ABCC6: variants seen among roughly 807,000 people sequenced by gnomAD.
ABCC6 encodes the protein ATP binding cassette subfamily C member 6, also known as ATP-binding cassette sub-family C member 6.
ABCC6 carries 126 observed loss-of-function variants against 169.5 expected under a neutral mutation model. That is an observed-to-expected ratio of 0.74 (90% CI 0.64 to 0.86). ABCC6 has a LOEUF of 0.86. Ranked by LOEUF, ABCC6 falls within the 40% of genes least tolerant of loss-of-function variation. The pLI is 0.00. For synonymous variants in ABCC6, 752 were observed against 814.7 expected, an observed-to-expected ratio of 0.92 and a Z score of 1.31; for missense variants, 1,733 against 1,927.2, an observed-to-expected ratio of 0.90 and a Z score of 1.89.
chr16:16,182,967 G>T, intron 15 of ABCC6, 37 bp from the exon 16 acceptor site: 2 of 1,614,078 alleles, frequency 1.2e-6, no homozygotes, highest in Non-Finnish European at 1.7e-6. Flanking sequence ...CCTTGGTTAG[G>T]GTTCAGCCCG....
At position 16,203,419 on chromosome 16, in the gene ABCC6, T is replaced by C. The variant is rs1444311439; in HGVS notation, c.989A>G (p.Lys330Arg). Residue 330 changes from lysine (K) to arginine (R), a missense_variant, in exon 8 of 31, where the codon AAG becomes AGG. Lys to Arg is a conservative substitution (Grantham distance 26). This residue lies in a region of ABCC6 where 1,601 missense variants were observed against 1,635.5 expected (regional missense o/e 0.98). Coordinates refer to ENST00000205557, the MANE Select transcript of ABCC6 (RefSeq NM_001171.6). ...ISDVFRFTVP[K>R]LLSLFLEFIG... ...GAGGTCTGGGACTCACCTGAGCAGCTTGGGGACAGTGAACCTGAAGACATC... is the reference window on the plus strand; with the variant it reads ...GAGGTCTGGGACTCACCTGAGCAGCCTGGGGACAGTGAACCTGAAGACATC... The C allele has an allele frequency of 1.5e-5, 24 of 1,613,772 alleles. No individual in the cohort carries two copies. Among genetic ancestry groups the C allele is most frequent in the Non-Finnish European group, 1.9e-5 (22 of 1,179,854 alleles).
intron 10 of ABCC6, among the ~76,000 whole-genome samples, chr16:16,196,861 C>A (rs531449125): frequency 6.6e-6 from 1 of 152,022 alleles, no homozygotes; most frequent in East Asian, 1.9e-4. Flanking sequence ...ACCACTATGC[C>A]CGGCTAATTT....
At chr16:16,193,844 G>A (rs1168228405) in intron 10 of ABCC6, among the ~76,000 whole-genome samples, 1 of 152,210 alleles carries the variant, frequency 6.6e-6, no homozygotes, top group African/African-American at 2.4e-5. Context: ...TGCAGACCCC[G>A]AAGGTGGTCA....
In ABCC6 at chr16:16,185,658, G is replaced by A. The variant is rs746621300; in HGVS notation, c.1868-624C>T. 2.2e-4 allele frequency among the ~76,000 whole-genome samples: 33 copies of A among 152,228 alleles called. 1 individual carries two copies. The highest frequency in any genetic ancestry group is 3.9e-4 in the East Asian group (2 of 5,186). On this transcript the variant is annotated intron_variant, in intron 14 of 30. Coordinates refer to ENST00000205557, the MANE Select transcript of ABCC6 (RefSeq NM_001171.6). ...AAATTAGCCAGGCGTGGTGGTGGGC[G>A]CCTGTAATCACAGCTACTTGAGAGG...
chr16:16,214,449 C>A lies in ABCC6; in HGVS notation c.475G>T (p.Gly159Cys). 1 of 1,551,522 alleles carries A rather than the reference C, an allele frequency of 6.4e-7. No individual in the cohort carries two copies. Residue 159 changes from glycine to cysteine, a missense_variant and splice_region_variant, in exon 5 of 31, where the codon GGC (glycine) becomes TGC (cysteine). By Grantham distance (159) the Gly-to-Cys change is radical (BLOSUM62 -3). Coordinates refer to ENST00000205557, the MANE Select transcript of ABCC6 (RefSeq NM_001171.6). ...TNAAQQASGA[G>C]FQSDPVRHLS... Reference sequence around the variant, plus strand: ...TGGCGGACAGGGTCGCTCTGGAAGCCCTGTGGGAGGGAAAGCAGAAGATAA... The same window carrying A: ...TGGCGGACAGGGTCGCTCTGGAAGCACTGTGGGAGGGAAAGCAGAAGATAA...
chr16:16,186,922 T>G (rs570050864), intron 14 of ABCC6, among the ~76,000 whole-genome samples: 1 of 152,022 alleles, frequency 6.6e-6, no homozygotes, highest in East Asian at 1.9e-4. Context: ...GCTCAGTGAG[T>G]GGTCGCTGAA....
At chr16:16,205,085 C>T (rs62030355) in intron 7 of ABCC6, among the ~76,000 whole-genome samples, 6,414 of 152,174 alleles carry the variant, frequency 0.042, 201 homozygotes, top group Middle Eastern at 0.11. Flanking sequence ...ATCCACCTGC[C>T]TCGGCCTCCC....
chr16:16,160,978 G>A (rs1243358883), intron 25 of ABCC6, among the ~76,000 whole-genome samples: 7 of 152,018 alleles, frequency 4.6e-5, no homozygotes, highest in Non-Finnish European at 1.0e-4. Context: ...AGTGGCTCAC[G>A]CCTGTAATTC....
intron 9 of ABCC6, 39 bp from the exon 10 acceptor site, chr16:16,198,221 G>T (rs778387570): frequency 6.4e-7 from 1 of 1,556,712 alleles, no homozygotes; most frequent in Non-Finnish European, 8.7e-7. Flanking sequence ...AAGTGGGGAG[G>T]CCGGGGCAGA....
At chr16:16,193,531 T>A (rs1237595095) in intron 10 of ABCC6, among the ~76,000 whole-genome samples, 2 of 152,138 alleles carry the variant, frequency 1.3e-5, no homozygotes, top group Admixed American at 1.3e-4. Flanking sequence ...CTGGCCAACA[T>A]AGTGAAACAC....
intron 9 of ABCC6, among the ~76,000 whole-genome samples, chr16:16,198,661 C>T (rs116509378): frequency 2.0e-3 from 303 of 151,296 alleles, no homozygotes; most frequent in African/African-American, 6.9e-3. Flanking sequence ...CCAGCCCGCG[C>T]GACATAGTAA....
chr16:16,150,358 C>T (rs889460803), intron 30 of ABCC6, 117 bp from the exon 31 acceptor site: 28 of 1,547,856 alleles, frequency 1.8e-5, no homozygotes, highest in Admixed American at 5.8e-5. Context: ...GCTTTCCATG[C>T]GGCTCCCTGG....
chr16:16,196,393 GC>G (rs1232285391), intron 10 of ABCC6, among the ~76,000 whole-genome samples: 1 of 152,134 alleles, frequency 6.6e-6, no homozygotes, highest in East Asian at 1.9e-4. Context: ...AGATGGTGTG[GC>G]CTCCAGTGTA....
chr16:16,175,876 G>T (rs2047262447), intron 20 of ABCC6, 35 bp downstream of exon 20: 1 of 1,612,752 alleles, frequency 6.2e-7, no homozygotes, highest in Non-Finnish European at 8.5e-7. Flanking sequence ...GCTTCAGCCT[G>T]TGCCCTTCTG....
chr16:16,180,784 C>T (rs973987943), intron 17 of ABCC6, among the ~76,000 whole-genome samples: 2 of 152,176 alleles, frequency 1.3e-5, no homozygotes, highest in African/African-American at 4.8e-5. Context: ...AGCCACCGTA[C>T]CCAGCCATTC....
Position 16,221,428 on chromosome 16 carries a change from T to C in ABCC6, c.219+221A>G. The C allele has an allele frequency of 2.1e-6, 3 of 1,429,278 alleles. No homozygotes were observed. In the East Asian group the frequency reaches 7.5e-5, roughly 36 times the overall value. 88.5% of individuals were successfully genotyped at this position (1,429,278 alleles called of 1,614,324 possible). A position where few individuals can be genotyped will look rare whatever the true frequency, so the allele number is the denominator to read the frequency against. ...AGGAACATGGGAGTGTATGCGTATGTTTGCGCATGCGTGGATTTTCGGAAT... is the reference window on the plus strand; with the variant it reads ...AGGAACATGGGAGTGTATGCGTATGCTTGCGCATGCGTGGATTTTCGGAAT... On this transcript the variant is annotated intron_variant, in intron 2 of 30. Transcript: ENST00000205557.
At chr16:16,180,087 A>G (rs2047419611) in intron 17 of ABCC6, among the ~76,000 whole-genome samples, 1 of 152,146 alleles carries the variant, frequency 6.6e-6, no homozygotes, top group African/African-American at 2.4e-5. Context: ...TCCTATGAGA[A>G]TCTAATGCTG....
intron 21 of ABCC6, among the ~76,000 whole-genome samples, chr16:16,172,039 CATAAATGAGTGGGATGG>C (rs2047102415): frequency 2.1e-5 from 2 of 96,554 alleles, no homozygotes; most frequent in East Asian, 4.0e-4. Flanking sequence ...AGGTGGGATG[CATAAATGAGTGGGATGG>C]ATAAATGAGT....
intron 22 of ABCC6, among the ~76,000 whole-genome samples, chr16:16,167,507 T>C (rs2046914775): frequency 6.6e-6 from 1 of 152,234 alleles, no homozygotes; most frequent in South Asian, 2.1e-4. Flanking sequence ...TCCTGCTCTG[T>C]CACCCAGGCT....
Sources: gnomAD v4.1 joint callset for allele counts (sites outside exome capture counted in the v4.1 genomes callset) on GRCh38, gnomAD v4.1.1 for gene constraint, gnomAD v4.1.1 regional missense constraint, MANE v1.5 for transcripts, NCBI Gene and HGNC (gene_info 2026-07-23, HGNC 2026-07-21) for gene names.